Variants in KYNU observed in about 807,000 individuals in gnomAD.
KYNU encodes the protein L-kynurenine hydrolase.
In KYNU, 54 loss-of-function variants were observed where a neutral mutation model predicts 59.2. The observed-to-expected ratio is 0.91, with a 90% CI of 0.73 to 1.14. The LOEUF is 1.14. Among genes scored for constraint, KYNU ranks in the 50% most tolerant of loss-of-function variants. The pLI, the probability that KYNU is intolerant of heterozygous loss-of-function variation, is 0.00. For missense variants in KYNU, 567 were observed against 554.4 expected, an observed-to-expected ratio of 1.02 and a Z score of -0.23; for synonymous variants, 177 against 192.0, an observed-to-expected ratio of 0.92 and a Z score of 0.65.
chr2:142,931,192 A>G (rs1573804256), intron 4 of KYNU, among the ~76,000 whole-genome samples: 1 of 152,188 alleles, frequency 6.6e-6, no homozygotes, highest in East Asian at 1.9e-4. Flanking sequence ...CCTGAGAAGG[A>G]AGGAGTTATT....
At chr2:142,939,602 CAAAAAAA>C (rs71301737) in intron 4 of KYNU, among the ~76,000 whole-genome samples, 19 of 65,110 alleles carry the variant, frequency 2.9e-4, no homozygotes, top group Non-Finnish European at 4.6e-4. Context: ...CTCCATCTCA[CAAAAAAA>C]AAAAAAAAAA....
At chr2:143,029,953 A>T (rs1416237647) in intron 11 of KYNU, among the ~76,000 whole-genome samples, 2 of 152,198 alleles carry the variant, frequency 1.3e-5, no homozygotes, top group Non-Finnish European at 2.9e-5. Context: ...ATCAACATAG[A>T]GTGCCTGAAA....
intron 4 of KYNU, among the ~76,000 whole-genome samples, chr2:142,934,123 G>A (rs1683311201): frequency 6.6e-6 from 1 of 152,176 alleles, no homozygotes; most frequent in South Asian, 2.1e-4. Flanking sequence ...TTTGTTAAAA[G>A]GGGAGTTTGT....
chr2:142,962,945 GAGAT>G (rs1684397901), intron 8 of KYNU, among the ~76,000 whole-genome samples: 1 of 152,154 alleles, frequency 6.6e-6, no homozygotes, highest in South Asian at 2.1e-4. Context: ...AATCAAGAAA[GAGAT>G]AGGAAATTCT....
chr2:142,880,643 C>G (rs1347033594), intron 1 of KYNU, among the ~76,000 whole-genome samples: 1 of 152,190 alleles, frequency 6.6e-6, no homozygotes, highest in Non-Finnish European at 1.5e-5. Flanking sequence ...GCTCAGATTC[C>G]TGAAAGAATT....
chr2:142,889,503 C>T (rs1027677017), intron 2 of KYNU, among the ~76,000 whole-genome samples: 2 of 152,280 alleles, frequency 1.3e-5, no homozygotes, highest in East Asian at 3.9e-4. Context: ...ACTCACCTGG[C>T]TGCAGGACAC....
At chr2:142,885,559 T>A in intron 2 of KYNU, 23 bp downstream of exon 2, 1 of 1,584,956 alleles carries the variant, frequency 6.3e-7, no homozygotes, top group Non-Finnish European at 8.6e-7. Flanking sequence ...GGAAGGTTTT[T>A]AAATTTTATT....
intron 10 of KYNU, among the ~76,000 whole-genome samples, chr2:143,012,195 C>T (rs1489161399): frequency 6.6e-6 from 1 of 152,078 alleles, no homozygotes; most frequent in Non-Finnish European, 1.5e-5. Flanking sequence ...TCAGAAGGGG[C>T]TCTGGACCAG....
At chr2:142,888,675 G>A (rs1392577203) in intron 2 of KYNU, among the ~76,000 whole-genome samples, 1 of 151,562 alleles carries the variant, frequency 6.6e-6, no homozygotes, top group Non-Finnish European at 1.5e-5. Flanking sequence ...GATCCTCTAG[G>A]ATAAGATGGT....
intron 10 of KYNU, among the ~76,000 whole-genome samples, chr2:143,008,688 C>A (rs1446143708): frequency 1.1e-4 from 2 of 18,298 alleles, no homozygotes; most frequent in Non-Finnish European, 1.8e-4. Flanking sequence ...TGTAAAAGAA[C>A]AGAAATTATA....
intron 3 of KYNU, among the ~76,000 whole-genome samples, chr2:142,919,884 C>T (rs1682815728): frequency 6.6e-6 from 1 of 152,120 alleles, no homozygotes; most frequent in Non-Finnish European, 1.5e-5. Flanking sequence ...CCAGTCTGAC[C>T]AACATGGTGA....
intron 1 of KYNU, among the ~76,000 whole-genome samples, chr2:142,880,566 G>T (rs1428170841): frequency 6.6e-6 from 1 of 152,150 alleles, no homozygotes; most frequent in Non-Finnish European, 1.5e-5. Flanking sequence ...GCATTTCATA[G>T]CTTCTATCTA....
At chr2:143,022,374 C>G (rs1558979954) in intron 10 of KYNU, among the ~76,000 whole-genome samples, 1 of 151,812 alleles carries the variant, frequency 6.6e-6, no homozygotes, top group East Asian at 1.9e-4. Flanking sequence ...CTATGTGAAC[C>G]CTACTGTTCA....
At chr2:142,909,374 G>A (rs1682407508) in intron 2 of KYNU, among the ~76,000 whole-genome samples, 1 of 151,840 alleles carries the variant, frequency 6.6e-6, no homozygotes, top group Non-Finnish European at 1.5e-5. Flanking sequence ...TATATTTTAG[G>A]TTCATGGGAT....
intron 10 of KYNU, among the ~76,000 whole-genome samples, chr2:143,025,787 C>T (rs1329157131): frequency 6.6e-6 from 1 of 152,020 alleles, no homozygotes; most frequent in Admixed American, 6.5e-5. Context: ...TATTAAGTTT[C>T]TCATAATGAA....
At position 143,054,619 on chromosome 2, in the gene KYNU, A is replaced by T. The variant is rs955303885; in HGVS notation, c.*12447A>T. ...TATGAAGTAGACTGCACCACTCTGC[A>T]GTACAGTCAGGAAATAAGAAACCAA... On this transcript the variant is annotated 3_prime_UTR_variant, in exon 14 of 14. Coordinates refer to ENST00000264170, the MANE Select transcript of KYNU (RefSeq NM_003937.3). 6.6e-6 allele frequency: 1 copy of T among 152,352 alleles called. No homozygotes were observed. The highest frequency in any genetic ancestry group is 1.9e-4 in the East Asian group (1 of 5,184). The allele number at this position is 152,352 out of a possible 1,614,324, so 9.4% of individuals were successfully genotyped here.
At chr2:142,972,796 A>G (rs1046541378) in intron 8 of KYNU, among the ~76,000 whole-genome samples, 1 of 118,738 alleles carries the variant, frequency 8.4e-6, no homozygotes, top group African/African-American at 3.6e-5. Context: ...GAGGCCATAT[A>G]TATATATATA....
chr2:142,958,867 C>G (rs1044785251), intron 7 of KYNU, among the ~76,000 whole-genome samples: 1 of 152,022 alleles, frequency 6.6e-6, no homozygotes, highest in Non-Finnish European at 1.5e-5. Context: ...TTTTCCTTAC[C>G]ACTTTATTGG....
chr2:143,039,699 T>C (rs1686980468), intron 12 of KYNU, among the ~76,000 whole-genome samples: 1 of 152,090 alleles, frequency 6.6e-6, no homozygotes, highest in Admixed American at 6.6e-5. Context: ...GGTGTAAGTG[T>C]GCATTCATCT....
Sources: allele counts gnomAD v4.1 joint callset (sites outside exome capture counted in the v4.1 genomes callset), GRCh38; gene constraint gnomAD v4.1.1; transcripts MANE v1.5; gene names NCBI Gene and HGNC (gene_info 2026-07-23, HGNC 2026-07-21).